PASD1: variants seen among roughly 807,000 people sequenced by gnomAD.
PASD1 encodes the protein PAS domain containing repressor 1.
A neutral mutation model predicts 58.8 loss-of-function variants in PASD1; 13 were observed. That is an observed-to-expected ratio of 0.22 (90% CI 0.14 to 0.35). The LOEUF is 0.35. PASD1 is among the 10% of genes least tolerant of loss of function. The pLI is 1.00. For missense variants in PASD1, 734 were observed against 568.3 expected (o/e 1.29, Z -2.96); for synonymous variants, 236 against 216.7 (o/e 1.09, Z -0.78).
At chrX:151,601,256 C>T (rs1169950059) in intron 1 of PASD1, among the ~76,000 whole-genome samples, 3 of 111,650 alleles carry the variant, frequency 2.7e-5, no homozygotes, top group African/African-American at 9.8e-5. Context: ...GGTGTAACCA[C>T]AGAATGTTTT....
chrX:151,655,993 A>C (rs1266867824), intron 9 of PASD1, among the ~76,000 whole-genome samples: 1 of 112,048 alleles, frequency 8.9e-6, no homozygotes, highest in Non-Finnish European at 1.9e-5. Flanking sequence ...TTTAGGTCTA[A>C]CGTTTAAGTA....
intron 1 of PASD1, among the ~76,000 whole-genome samples, chrX:151,589,049 T>C (rs781721472): frequency 9.5e-4 from 106 of 111,270 alleles, no homozygotes; most frequent in Admixed American, 9.1e-3. Context: ...TGGCTAATAT[T>C]CTTAGTGTCT....
chrX:151,633,317 C>G (rs62609293), intron 8 of PASD1, among the ~76,000 whole-genome samples: 23,707 of 110,238 alleles, frequency 0.22, 2,075 homozygotes, highest in Non-Finnish European at 0.27. Flanking sequence ...GCTCCGACAC[C>G]CACCAGACAG....
At position 151,622,963 on chromosome X, in the gene PASD1, T is replaced by C. The variant is rs1248025377; in HGVS notation, c.445T>C (p.Phe149Leu). 3.3e-6 allele frequency: 4 copies of C among 1,206,718 alleles called. No individual in the cohort carries two copies. Among genetic ancestry groups the C allele is most frequent in the African/African-American group, 1.8e-5 (1 of 57,083 alleles). Residue 149 changes from phenylalanine (F) to leucine (L), a missense_variant, in exon 7 of 16, where the codon TTT becomes CTT. Coordinates refer to ENST00000370357, the MANE Select transcript of PASD1 (RefSeq NM_173493.3). Reference sequence around the variant, plus strand: ...GTTTCCTGTGGTCTTTAGTGGCTTGTTTTCCAGCCACCTCTGTGCTGACTT... The same window carrying C: ...GTTTCCTGTGGTCTTTAGTGGCTTGCTTTCCAGCCACCTCTGTGCTGACTT... ...NEFPVVFSGLFSSHLCADFAA... is the reference protein window; with the variant it reads ...NEFPVVFSGLLSSHLCADFAA...
In PASD1 at chrX:151,604,737, A is replaced by G; in HGVS notation, c.117+3A>G. 1.7e-6 allele frequency: 2 copies of G among 1,183,058 alleles called. No individual in the cohort carries two copies. The highest frequency in any genetic ancestry group is 2.3e-6 in the Non-Finnish European group (2 of 870,916). The stretch of plus-strand genomic sequence containing the variant: ...ACTTCAACCAAGTGACGCTACAGGT[A>G]AGAGGGCTTTTGTTCTTTGATTACT... On this transcript the variant is annotated splice_donor_region_variant and intron_variant, in intron 3 of 15. Coordinates refer to ENST00000370357, the MANE Select transcript of PASD1 (RefSeq NM_173493.3).
At chrX:151,636,273 AT>A (rs764940548) in intron 8 of PASD1, among the ~76,000 whole-genome samples, 1 of 112,346 alleles carries the variant, frequency 8.9e-6, no homozygotes, top group South Asian at 3.7e-4. Context: ...TTGTATGACT[AT>A]ACCACAATTT....
chrX:151,565,162 G>A (rs1006741407), intron 1 of PASD1, among the ~76,000 whole-genome samples: 3 of 112,031 alleles, frequency 2.7e-5, no homozygotes, highest in African/African-American at 9.8e-5. Flanking sequence ...AGTAAGTTAA[G>A]CTGTATCTAA....
At chrX:151,597,529 T>C (rs1187184549) in intron 1 of PASD1, among the ~76,000 whole-genome samples, 1 of 111,657 alleles carries the variant, frequency 9.0e-6, no homozygotes, top group African/African-American at 3.3e-5. Context: ...TTCCAAAATG[T>C]GTCCTCTCCC....
At chrX:151,583,433 A>T (rs945117198) in intron 1 of PASD1, among the ~76,000 whole-genome samples, 1 of 112,304 alleles carries the variant, frequency 8.9e-6, no homozygotes, top group Non-Finnish European at 1.9e-5. Context: ...TATAAAAGTA[A>T]CATAAGGAGG....
chrX:151,672,881 T>C, intron 14 of PASD1: 1 of 506,793 alleles, frequency 2.0e-6, no homozygotes, highest in Non-Finnish European at 3.1e-6. Flanking sequence ...AACAAAGGGG[T>C]ACCCATGAAG....
chrX:151,609,334 G>A lies in PASD1; in HGVS notation c.118-2330G>A, dbSNP rs149436337. ...AAAATGTATATAACACGAATTTACCGTTTAATCACTTTTAAATGTAGAATT... is the reference window on the plus strand; with the variant it reads ...AAAATGTATATAACACGAATTTACCATTTAATCACTTTTAAATGTAGAATT... On this transcript the variant is annotated intron_variant, in intron 3 of 15. Coordinates refer to ENST00000370357, the MANE Select transcript of PASD1 (RefSeq NM_173493.3). Among the ~76,000 whole-genome samples, 278 of 111,214 alleles carry A rather than the reference G, an allele frequency of 2.5e-3. 1 individual carries two copies. Among genetic ancestry groups the A allele is most frequent in the Middle Eastern group, 4.7e-3 (1 of 215 alleles).
chrX:151,604,819 T>G, intron 3 of PASD1, 85 bp downstream of exon 3: 1 of 735,344 alleles, frequency 1.4e-6, no homozygotes, highest in Non-Finnish European at 2.0e-6. Flanking sequence ...AAAGTGTGAT[T>G]AGGAGATCAT....
chrX:151,650,998 T>A (rs1458751212), intron 9 of PASD1, among the ~76,000 whole-genome samples: 1 of 111,719 alleles, frequency 9.0e-6, no homozygotes, highest in Non-Finnish European at 1.9e-5. Flanking sequence ...AGCAGCATAT[T>A]GATTGGCATA....
intron 3 of PASD1, 128 bp from the exon 4 acceptor site, chrX:151,611,536 C>A (rs1264794346): frequency 1.2e-5 from 5 of 426,228 alleles, no homozygotes; most frequent in Admixed American, 4.5e-5. Context: ...TCTGTGCCTA[C>A]TTTATTGATA....
chrX:151,600,794 A>G (rs2013404985), intron 1 of PASD1, among the ~76,000 whole-genome samples: 1 of 111,907 alleles, frequency 8.9e-6, no homozygotes, highest in African/African-American at 3.3e-5. Context: ...CATTAACACC[A>G]AGCACGGGTT....
At chrX:151,614,245 A>G (rs374614031) in intron 4 of PASD1, among the ~76,000 whole-genome samples, 2 of 111,581 alleles carry the variant, frequency 1.8e-5, no homozygotes, top group South Asian at 3.8e-4. Flanking sequence ...TCGGCCTCCC[A>G]AAGTGCTGGG....
rs1030386089 is a variant in PASD1, at chrX:151,676,716, A to T, written c.*573A>T. 2 of 112,156 alleles carry T rather than the reference A, an allele frequency of 1.8e-5. No individual in the cohort carries two copies. The highest frequency in any genetic ancestry group is 6.5e-5 in the African/African-American group (2 of 30,812). 9.2% of individuals were successfully genotyped at this position (112,156 alleles called of 1,213,427 possible). On this transcript the variant is annotated 3_prime_UTR_variant, in exon 16 of 16. Transcript: ENST00000370357. Reference sequence around the variant, plus strand: ...TAAAATAATTATGGCTTCCTTGCTTAATAAACATTTTCGTTCACTGCAACT... The same window carrying T: ...TAAAATAATTATGGCTTCCTTGCTTTATAAACATTTTCGTTCACTGCAACT...
At chrX:151,564,962 A>T (rs923535217) in intron 1 of PASD1, among the ~76,000 whole-genome samples, 9 of 112,081 alleles carry the variant, frequency 8.0e-5, no homozygotes, top group Non-Finnish European at 1.5e-4. Context: ...TTTCCAATGT[A>T]TAAAATCAAG....
chrX:151,586,635 G>T (rs1392587034), intron 1 of PASD1, among the ~76,000 whole-genome samples: 1 of 111,607 alleles, frequency 9.0e-6, no homozygotes, highest in Non-Finnish European at 1.9e-5. Flanking sequence ...TGCTGCCACT[G>T]CCCTACTTCA....
Sources: gnomAD v4.1 joint callset for allele counts (sites outside exome capture counted in the v4.1 genomes callset) on GRCh38, gnomAD v4.1.1 for gene constraint, MANE v1.5 for transcripts, NCBI Gene and HGNC (gene_info 2026-07-23, HGNC 2026-07-21) for gene names.